The following SLC25A48 variants were observed in gnomAD, a reference collection of about 807,000 sequenced individuals.
SLC25A48 encodes CTC-321K16.1.
In SLC25A48, 29 loss-of-function variants were observed where a neutral mutation model predicts 32.2. The ratio of observed to expected loss-of-function variants is 0.90; its 90% confidence interval spans 0.67 to 1.23. The LOEUF is 1.23. SLC25A48 is among the 50% of genes most tolerant of loss of function. The pLI is 0.00. For synonymous variants in SLC25A48, 164 were observed against 172.3 expected (o/e 0.95, Z 0.38); for missense variants, 399 against 422.7 (o/e 0.94, Z 0.49).
At chr5:135,614,533 C>T (rs1042727374) in intron 1 of SLC25A48, among the ~76,000 whole-genome samples, 4 of 152,132 alleles carry the variant, frequency 2.6e-5, no homozygotes, top group Non-Finnish European at 5.9e-5. Context: ...TCATATATGA[C>T]CTTTATTATG....
chr5:135,711,191 G>A (rs922772636), intron 3 of SLC25A48, among the ~76,000 whole-genome samples: 5 of 152,210 alleles, frequency 3.3e-5, no homozygotes, highest in East Asian at 1.9e-4. Context: ...TCTGCATGAA[G>A]CCATTGAGAT....
In SLC25A48 at chr5:135,739,816, C is replaced by A. The variant is rs79651136; in HGVS notation, c.-520-72707C>A. ...TAAACTACCACTGCATAAAGAAAAA[C>A]AGCTGATCTAGCCATATTTCCACAC... On this transcript the variant is annotated intron_variant, in intron 3 of 10. Coordinates refer to the SLC25A48 transcript ENST00000646290. 4.8e-4 allele frequency among the ~76,000 whole-genome samples: 73 copies of A among 151,898 alleles called. 2 individuals are homozygous for A. The East Asian group carries it at 0.014, about 29-fold the overall frequency.
At chr5:135,632,909 T>C (rs931378810) in intron 2 of SLC25A48, among the ~76,000 whole-genome samples, 1 of 152,150 alleles carries the variant, frequency 6.6e-6, no homozygotes, top group Non-Finnish European at 1.5e-5. Flanking sequence ...ATAGCGTCTA[T>C]TTTGAGCTGA....
intron 3 of SLC25A48, among the ~76,000 whole-genome samples, chr5:135,744,650 G>T (rs1160985671): frequency 6.6e-6 from 1 of 151,968 alleles, no homozygotes; most frequent in Non-Finnish European, 1.5e-5. Flanking sequence ...CTCCATTTTT[G>T]ATGAGGAACC....
chr5:135,780,735 C>A (rs1270532003), intron 3 of SLC25A48, among the ~76,000 whole-genome samples: 2 of 115,430 alleles, frequency 1.7e-5, no homozygotes, highest in African/African-American at 5.3e-5. Context: ...TGATATTATA[C>A]CCAAAATTGC....
At chr5:135,674,842 T>C (rs962768520) in intron 3 of SLC25A48, among the ~76,000 whole-genome samples, 3 of 152,042 alleles carry the variant, frequency 2.0e-5, no homozygotes, top group Non-Finnish European at 4.4e-5. Flanking sequence ...ATATACTGTT[T>C]CCTTTTCTTT....
chr5:135,712,491 CAA>C (rs1490972520), intron 3 of SLC25A48, among the ~76,000 whole-genome samples: 1 of 152,176 alleles, frequency 6.6e-6, no homozygotes, highest in Non-Finnish European at 1.5e-5. Flanking sequence ...ATACAAGAGA[CAA>C]GAGAGAGGGC....
intron 2 of SLC25A48, among the ~76,000 whole-genome samples, chr5:135,849,368 G>A (rs557536093): frequency 2.3e-4 from 35 of 152,192 alleles, no homozygotes; most frequent in Non-Finnish European, 4.7e-4. Flanking sequence ...CTGACAAAGT[G>A]TTTTGATGGA....
At chr5:135,619,602 A>G (rs1246223195) in intron 1 of SLC25A48, among the ~76,000 whole-genome samples, 3 of 152,110 alleles carry the variant, frequency 2.0e-5, no homozygotes, top group Non-Finnish European at 4.4e-5. Flanking sequence ...ATATGGTGAC[A>G]TGGTGTCACA....
chr5:135,735,240 C>T (rs1056989489), intron 3 of SLC25A48, among the ~76,000 whole-genome samples: 6 of 152,106 alleles, frequency 3.9e-5, no homozygotes, highest in Non-Finnish European at 7.4e-5. Flanking sequence ...TTTTGTCTCA[C>T]GGTGGAGGCA....
chr5:135,639,752 G>T (rs1390661116), intron 3 of SLC25A48, among the ~76,000 whole-genome samples: 1 of 152,148 alleles, frequency 6.6e-6, no homozygotes, highest in East Asian at 1.9e-4. Context: ...AACTAGATCA[G>T]TTCTAACAAA....
chr5:135,716,320 T>C (rs1754795261), intron 3 of SLC25A48, among the ~76,000 whole-genome samples: 1 of 152,226 alleles, frequency 6.6e-6, no homozygotes, highest in African/African-American at 2.4e-5. Context: ...CGCTCCACTG[T>C]GCACATGGCT....
intron 3 of SLC25A48, among the ~76,000 whole-genome samples, chr5:135,690,442 C>G (rs1355823389): frequency 6.6e-6 from 1 of 152,116 alleles, no homozygotes; most frequent in Non-Finnish European, 1.5e-5. Context: ...AAGGCTGGGT[C>G]TGAGATTGTA....
chr5:135,677,986 G>A (rs1449494923), intron 3 of SLC25A48, among the ~76,000 whole-genome samples: 7 of 152,152 alleles, frequency 4.6e-5, no homozygotes, highest in African/African-American at 1.2e-4. Flanking sequence ...TGACTATAAT[G>A]TGTCATGAAG....
intron 4 of SLC25A48, among the ~76,000 whole-genome samples, chr5:135,818,139 C>T (rs1206798061): frequency 1.4e-5 from 2 of 146,244 alleles, no homozygotes; most frequent in East Asian, 2.0e-4. Context: ...CTGTTTCTTT[C>T]TCTCTCAGCT....
chr5:135,746,103 C>T (rs1469569271), intron 3 of SLC25A48, among the ~76,000 whole-genome samples: 1 of 152,200 alleles, frequency 6.6e-6, no homozygotes, highest in Non-Finnish European at 1.5e-5. Context: ...TTTTCATGCT[C>T]AGCGCCCTCT....
chr5:135,841,392 GTTA>G (rs1346854974), intron 1 of SLC25A48, among the ~76,000 whole-genome samples: 1 of 152,134 alleles, frequency 6.6e-6, no homozygotes, highest in Non-Finnish European at 1.5e-5. Context: ...TTTTATGAAT[GTTA>G]TTATTTCTTG....
chr5:135,713,245 C>T (rs1203304524), intron 3 of SLC25A48, among the ~76,000 whole-genome samples: 1 of 152,186 alleles, frequency 6.6e-6, no homozygotes, highest in Non-Finnish European at 1.5e-5. Context: ...CTGAGAAGCA[C>T]TCACCTAATA....
intron 3 of SLC25A48, among the ~76,000 whole-genome samples, chr5:135,794,014 T>G (rs184076628): frequency 1.3e-5 from 2 of 151,860 alleles, no homozygotes; most frequent in East Asian, 3.8e-4. Flanking sequence ...GTTCCTAATA[T>G]TCAGGGGGGA....
Sources: allele counts gnomAD v4.1 joint callset (sites outside exome capture counted in the v4.1 genomes callset), GRCh38; gene constraint gnomAD v4.1.1; transcripts MANE v1.5; gene names NCBI Gene and HGNC (gene_info 2026-07-23, HGNC 2026-07-21).